The following CMSS1 variants were observed in gnomAD, a reference collection of about 807,000 sequenced individuals.
The protein encoded by CMSS1 is cms1 ribosomal small subunit homolog.
CMSS1 carries 33 observed loss-of-function variants against 43.5 expected under a neutral mutation model. The observed-to-expected ratio is 0.76, with a 90% confidence interval of 0.57 to 1.01. CMSS1 has a LOEUF of 1.01. CMSS1 is among the 50% of genes least tolerant of loss of function. The pLI, the probability that CMSS1 is intolerant of heterozygous loss-of-function variation, is 0.00. For synonymous variants in CMSS1, 115 were observed against 117.2 expected (o/e 0.98, Z 0.12); for missense variants, 313 against 326.4 (o/e 0.96, Z 0.32).
At chr3:99,988,346 A>C (rs1709411220) in intron 1 of CMSS1, among the ~76,000 whole-genome samples, 2 of 148,676 alleles carry the variant, frequency 1.3e-5, no homozygotes, top group South Asian at 2.2e-4. Flanking sequence ...AAATCCAAAA[A>C]AAAAAAAAAA....
At chr3:99,875,861 T>G (rs1705485782) in intron 1 of CMSS1, among the ~76,000 whole-genome samples, 1 of 152,240 alleles carries the variant, frequency 6.6e-6, no homozygotes, top group Non-Finnish European at 1.5e-5. Flanking sequence ...ATTAAATCTC[T>G]AATCTGTTTT....
At chr3:100,122,128 A>C (rs1442407954) in intron 1 of CMSS1, among the ~76,000 whole-genome samples, 1 of 152,222 alleles carries the variant, frequency 6.6e-6, no homozygotes, top group Non-Finnish European at 1.5e-5. Flanking sequence ...GCATGGAGGA[A>C]ACCAAGGGAA....
At chr3:100,027,879 G>A (rs142768792) in intron 1 of CMSS1, among the ~76,000 whole-genome samples, 24 of 152,314 alleles carry the variant, frequency 1.6e-4, no homozygotes, top group African/African-American at 5.3e-4. Context: ...TGAAACTAGA[G>A]TTGGGAGTGA....
intron 1 of CMSS1, among the ~76,000 whole-genome samples, chr3:100,087,734 A>C (rs939504274): frequency 6.6e-6 from 1 of 152,056 alleles, no homozygotes; most frequent in African/African-American, 2.4e-5. Flanking sequence ...GAAGAAGACC[A>C]ATTGATCAGT....
intron 1 of CMSS1, among the ~76,000 whole-genome samples, chr3:100,002,982 G>A (rs1709886457): frequency 6.6e-6 from 1 of 152,204 alleles, no homozygotes; most frequent in African/African-American, 2.4e-5. Flanking sequence ...CAAGATTGAT[G>A]AAGAAAGGGC....
At chr3:100,084,695 A>T (rs1241856973) in intron 1 of CMSS1, among the ~76,000 whole-genome samples, 2 of 152,226 alleles carry the variant, frequency 1.3e-5, no homozygotes, top group African/African-American at 4.8e-5. Context: ...AAACATGAGG[A>T]TATGGATATT....
intron 1 of CMSS1, among the ~76,000 whole-genome samples, chr3:99,964,658 A>C (rs749862362): frequency 2.4e-4 from 36 of 152,064 alleles, no homozygotes; most frequent in Non-Finnish European, 4.4e-4. Context: ...GAGCTTCCCA[A>C]CCTGTTTCTC....
chr3:100,071,528 A>G (rs1199978991), intron 1 of CMSS1, among the ~76,000 whole-genome samples: 1 of 152,204 alleles, frequency 6.6e-6, no homozygotes, highest in African/African-American at 2.4e-5. Flanking sequence ...GGTGGGGGGC[A>G]GAGTACAGAA....
At chr3:99,893,392 C>T (rs1403112475) in intron 1 of CMSS1, among the ~76,000 whole-genome samples, 4 of 152,096 alleles carry the variant, frequency 2.6e-5, no homozygotes, top group Non-Finnish European at 5.9e-5. Flanking sequence ...GTCTCGATCT[C>T]CTGACCTCGT....
At chr3:100,053,361 C>G (rs2065405987) in intron 1 of CMSS1, among the ~76,000 whole-genome samples, 1 of 152,192 alleles carries the variant, frequency 6.6e-6, no homozygotes, top group African/African-American at 2.4e-5. Flanking sequence ...TACTTTCTTG[C>G]TTTTTGTAGC....
At chr3:99,961,915 C>A (rs1199348467) in intron 1 of CMSS1, among the ~76,000 whole-genome samples, 1 of 151,750 alleles carries the variant, frequency 6.6e-6, no homozygotes, top group Non-Finnish European at 1.5e-5. Context: ...ACTGAGGGAC[C>A]AAGTAGTCTG....
Position 100,146,993 on chromosome 3 carries a change from G to C in CMSS1, c.85G>C (p.Glu29Gln), listed in dbSNP as rs2066857178. 1.9e-6 allele frequency: 3 copies of C among 1,613,818 alleles called. No individual in the cohort carries two copies. Among genetic ancestry groups the C allele is most frequent in the Non-Finnish European group, 2.5e-6 (3 of 1,179,748 alleles). Residue 29 changes from glutamate to glutamine, a missense_variant, in exon 2 of 10, where the codon GAA becomes CAA. Transcript: ENST00000421999. Reference protein sequence around the residue: ...SSPEASDGEGEGDTEVMQQET... With the variant: ...SSPEASDGEGQGDTEVMQQET... ...TCTAGAAGCATCAGATGGTGAAGGA[G>C]AAGGAGACACAGAAGTGATGCAGCA...
chr3:99,945,481 AGGGTG>A (rs1707981891), intron 1 of CMSS1, among the ~76,000 whole-genome samples: 1 of 152,184 alleles, frequency 6.6e-6, no homozygotes, highest in Non-Finnish European at 1.5e-5. Context: ...TTGACTAAGG[AGGGTG>A]GCTGCTGCTA....
At chr3:99,995,531 A>C (rs111633828) in intron 1 of CMSS1, among the ~76,000 whole-genome samples, 230 of 152,258 alleles carry the variant, frequency 1.5e-3, no homozygotes, top group African/African-American at 5.2e-3. Flanking sequence ...TCACAGCTCC[A>C]CTAGGCAGTG....
chr3:100,174,959 T>C (rs1199541249), intron 8 of CMSS1, among the ~76,000 whole-genome samples: 1 of 152,232 alleles, frequency 6.6e-6, no homozygotes, highest in Non-Finnish European at 1.5e-5. Flanking sequence ...TTTGTATGTT[T>C]ATTTTTATAC....
At chr3:100,161,916 T>C (rs564743617) in intron 3 of CMSS1, among the ~76,000 whole-genome samples, 6 of 152,176 alleles carry the variant, frequency 3.9e-5, no homozygotes, top group African/African-American at 1.4e-4. Flanking sequence ...AAAAACCAGA[T>C]TGGGCAAGAA....
At chr3:100,010,080 G>T (rs982322160) in intron 1 of CMSS1, 1 of 512,126 alleles carries the variant, frequency 2.0e-6, no homozygotes, top group Non-Finnish European at 2.5e-6. Context: ...ATTGAGGGTT[G>T]AGTACCATAC....
At chr3:100,121,543 A>G (rs558768725) in intron 1 of CMSS1, among the ~76,000 whole-genome samples, 4 of 152,298 alleles carry the variant, frequency 2.6e-5, no homozygotes, top group South Asian at 2.1e-4. Context: ...TAGTGACACA[A>G]TAAACATACG....
chr3:99,866,840 G>A (rs1442621584), intron 1 of CMSS1, among the ~76,000 whole-genome samples: 2 of 152,170 alleles, frequency 1.3e-5, no homozygotes, highest in African/African-American at 4.8e-5. Context: ...GTTTTATTCT[G>A]TAATCTGCTG....
Sources: gnomAD v4.1 joint callset for allele counts (sites outside exome capture counted in the v4.1 genomes callset) on GRCh38, gnomAD v4.1.1 for gene constraint, MANE v1.5 for transcripts, NCBI Gene and HGNC (gene_info 2026-07-23, HGNC 2026-07-21) for gene names.